TNIK: variants seen among roughly 807,000 people sequenced by gnomAD.
The protein encoded by TNIK is TRAF2 and NCK interacting kinase.
In TNIK, 49 loss-of-function variants were observed where a neutral mutation model predicts 191.3. That is an observed-to-expected ratio of 0.26 (90% CI 0.20 to 0.32). The LOEUF (loss-of-function observed/expected upper bound fraction) is 0.32, where lower values mean the gene tolerates loss of function less well. TNIK is among the 10% of genes least tolerant of loss of function. The pLI, the probability that TNIK is intolerant of heterozygous loss-of-function variation, is 1.00. For missense variants in TNIK, 1,155 were observed against 1,702.3 expected, an observed-to-expected ratio of 0.68 and a Z score of 5.66; for synonymous variants, 594 against 600.9, an observed-to-expected ratio of 0.99 and a Z score of 0.17.
At chr3:171,179,407 T>C (rs1736360746) in intron 7 of TNIK, among the ~76,000 whole-genome samples, 2 of 152,050 alleles carry the variant, frequency 1.3e-5, no homozygotes, top group Non-Finnish European at 2.9e-5. Flanking sequence ...TCAGGAGCAA[T>C]AACTGGTAAA....
intron 2 of TNIK, among the ~76,000 whole-genome samples, chr3:171,237,281 T>C (rs1489423419): frequency 1.3e-5 from 2 of 152,082 alleles, no homozygotes; most frequent in African/African-American, 4.8e-5. Context: ...AAAAGAAATG[T>C]CAGCAGGGAA....
At chr3:171,219,561 GA>G (rs1219905092) in intron 3 of TNIK, among the ~76,000 whole-genome samples, 1 of 151,562 alleles carries the variant, frequency 6.6e-6, no homozygotes, top group East Asian at 1.9e-4. Flanking sequence ...TTTAATGAAG[GA>G]AAAATAAAAG....
At chr3:171,112,571 A>G (rs1726008031) in intron 18 of TNIK, among the ~76,000 whole-genome samples, 1 of 152,204 alleles carries the variant, frequency 6.6e-6, no homozygotes, top group Non-Finnish European at 1.5e-5. Context: ...ACTATTGTAC[A>G]TGATCTCACT....
intron 2 of TNIK, among the ~76,000 whole-genome samples, chr3:171,305,174 T>G (rs1277408105): frequency 6.6e-6 from 1 of 151,960 alleles, no homozygotes; most frequent in African/African-American, 2.4e-5. Context: ...AGCTAAAGCA[T>G]AACCTGACTT....
intron 1 of TNIK, among the ~76,000 whole-genome samples, chr3:171,449,372 T>C (rs1229114756): frequency 6.6e-6 from 1 of 152,248 alleles, no homozygotes; most frequent in Non-Finnish European, 1.5e-5. Context: ...CCCAACAGTG[T>C]AAAAGCGTTC....
At chr3:171,243,440 AC>A (rs1276663224) in intron 2 of TNIK, among the ~76,000 whole-genome samples, 3 of 149,486 alleles carry the variant, frequency 2.0e-5, no homozygotes, top group African/African-American at 7.4e-5. Flanking sequence ...AAAAAAAAAA[AC>A]ACCTTCTTAT....
intron 1 of TNIK, among the ~76,000 whole-genome samples, chr3:171,392,288 A>G (rs1258144461): frequency 6.6e-6 from 1 of 152,194 alleles, no homozygotes; most frequent in Non-Finnish European, 1.5e-5. Flanking sequence ...AAAACTGTAT[A>G]TTGAAAAGGG....
rs555926284 is a variant in TNIK at position 171,278,720 on chromosome 3, A to G, written c.124-50499T>C. Among the ~76,000 whole-genome samples, 5 of 151,808 alleles carry G rather than the reference A, an allele frequency of 3.3e-5. No individual in the cohort carries two copies. The East Asian group carries it at 9.6e-4, about 29-fold the overall frequency. On this transcript the variant is annotated intron_variant, in intron 2 of 32. Coordinates refer to ENST00000436636, the MANE Select transcript of TNIK (RefSeq NM_015028.4). ...ACTTTGCCTAAATTATGTATTAAGA[A>G]TTAATATCAAACAATCATACCTCTT...
At chr3:171,068,674 A>G (rs896938221) in intron 30 of TNIK, among the ~76,000 whole-genome samples, 174 bp downstream of exon 30, 2 of 152,246 alleles carry the variant, frequency 1.3e-5, no homozygotes, top group East Asian at 1.9e-4. Flanking sequence ...CATAAAAATT[A>G]GTTAAATTTA....
At chr3:171,194,746 GAA>G (rs1738486306) in intron 4 of TNIK, 111 bp from the exon 5 acceptor site, 1 of 848,020 alleles carries the variant, frequency 1.2e-6, no homozygotes, top group South Asian at 1.7e-5. Context: ...TTCCTGCAAA[GAA>G]AAAGTTATCA....
At chr3:171,377,971 T>C (rs1420590960) in intron 1 of TNIK, among the ~76,000 whole-genome samples, 1 of 152,200 alleles carries the variant, frequency 6.6e-6, no homozygotes, top group Non-Finnish European at 1.5e-5. Flanking sequence ...GAAATTAACC[T>C]GGGGTTACGG....
intron 2 of TNIK, among the ~76,000 whole-genome samples, chr3:171,324,869 C>A (rs113742127): frequency 6.6e-6 from 1 of 151,948 alleles, no homozygotes; most frequent in Non-Finnish European, 1.5e-5. Context: ...GAGGCCAAGG[C>A]GGGCGGATCA....
At chr3:171,177,226 C>T (rs952435878) in intron 8 of TNIK, 100 bp downstream of exon 8, 13 of 1,233,250 alleles carry the variant, frequency 1.1e-5, no homozygotes, top group African/African-American at 6.1e-5. Flanking sequence ...ATGCAGGGCT[C>T]GGTGTAGTGG....
intron 2 of TNIK, among the ~76,000 whole-genome samples, chr3:171,339,460 G>A (rs1757298945): frequency 6.6e-6 from 1 of 152,164 alleles, no homozygotes; most frequent in African/African-American, 2.4e-5. Context: ...ATGCCACTTC[G>A]CTTTTGTCAG....
chr3:171,114,073 CT>C (rs199626065), intron 18 of TNIK, among the ~76,000 whole-genome samples: 1 of 149,140 alleles, frequency 6.7e-6, no homozygotes, highest in Admixed American at 6.7e-5. Context: ...AACTCATAGG[CT>C]TTTTTTTATT....
chr3:171,356,947 T>C (rs966880189), intron 2 of TNIK, among the ~76,000 whole-genome samples: 8 of 152,148 alleles, frequency 5.3e-5, no homozygotes, highest in Admixed American at 2.0e-4. Context: ...TGGTAGAAGA[T>C]GGAAAACAAC....
chr3:171,128,442 C>A (rs1728773575), intron 16 of TNIK, among the ~76,000 whole-genome samples: 1 of 152,182 alleles, frequency 6.6e-6, no homozygotes, highest in African/African-American at 2.4e-5. Flanking sequence ...CTTGTTCTCA[C>A]CTTGCAGGAA....
chr3:171,091,958 T>TTTC (rs1560096912), intron 23 of TNIK, among the ~76,000 whole-genome samples: 272 of 120,484 alleles, frequency 2.3e-3, no homozygotes, highest in African/African-American at 5.7e-3. Flanking sequence ...TTCTTTCTTT[T>TTTC]TTTTTTTTTA....
At chr3:171,363,491 G>A (rs1715271691) in intron 2 of TNIK, among the ~76,000 whole-genome samples, 1 of 150,934 alleles carries the variant, frequency 6.6e-6, no homozygotes, top group Non-Finnish European at 1.5e-5. Context: ...TATTCTTTAT[G>A]TTAGAAATTC....
Sources: allele counts gnomAD v4.1 joint callset (sites outside exome capture counted in the v4.1 genomes callset), GRCh38; gene constraint gnomAD v4.1.1; transcripts MANE v1.5; gene names NCBI Gene and HGNC (gene_info 2026-07-23, HGNC 2026-07-21).